The following RGS22 variants were observed in gnomAD, a reference collection of about 807,000 sequenced individuals.
RGS22 encodes regulator of G-protein signaling 22.
Under a neutral mutation model 172.9 loss-of-function variants are expected in RGS22, and 148 were observed. The observed-to-expected ratio is 0.86, with a 90% CI of 0.75 to 0.98. RGS22 has a LOEUF of 0.98. RGS22 is among the 50% of genes least tolerant of loss of function. The probability of loss-of-function intolerance (pLI) is 0.00; values close to 1 mark genes in which losing one functional copy is unlikely to be tolerated. For missense variants in RGS22, 1,347 were observed against 1,440.8 expected (o/e 0.93, Z 1.05); for synonymous variants, 458 against 480.2 (o/e 0.95, Z 0.60).
chr8:100,061,087 T>C (rs540888355), intron 9 of RGS22, among the ~76,000 whole-genome samples: 4 of 152,270 alleles, frequency 2.6e-5, no homozygotes, highest in African/African-American at 7.2e-5. Flanking sequence ...ATTCAATAAA[T>C]GGAGCTAGGA....
intron 9 of RGS22, among the ~76,000 whole-genome samples, chr8:100,053,816 T>C (rs1401313464): frequency 1.3e-5 from 2 of 152,006 alleles, no homozygotes; most frequent in Non-Finnish European, 2.9e-5. Flanking sequence ...TTTGTATTTT[T>C]AGTAGAGACA....
intron 23 of RGS22, among the ~76,000 whole-genome samples, chr8:99,970,693 CCTGAATAGA>C (rs1811244707): frequency 6.6e-6 from 1 of 152,034 alleles, no homozygotes; most frequent in Admixed American, 6.6e-5. Context: ...AAGTCGAATC[CCTGAATAGA>C]CCAATAACAA....
At chr8:99,975,145 C>CA (rs200402080) in intron 23 of RGS22, among the ~76,000 whole-genome samples, 5,562 of 137,556 alleles carry the variant, frequency 0.04, 122 homozygotes, top group African/African-American at 0.046. Flanking sequence ...GACTCCATCT[C>CA]AAAAAAAAAA....
chr8:100,054,018 T>C (rs1821990628), intron 9 of RGS22, among the ~76,000 whole-genome samples: 1 of 152,194 alleles, frequency 6.6e-6, no homozygotes, highest in African/African-American at 2.4e-5. Flanking sequence ...AATTTGAAGG[T>C]AAGAATTAAT....
At chr8:99,981,665 A>G (rs1237654981) in intron 22 of RGS22, among the ~76,000 whole-genome samples, 1 of 151,932 alleles carries the variant, frequency 6.6e-6, no homozygotes, top group Non-Finnish European at 1.5e-5. Flanking sequence ...TCAAATATGA[A>G]TAACGTACAA....
At chr8:100,101,292 T>C (rs1813457572) in intron 2 of RGS22, among the ~76,000 whole-genome samples, 1 of 138,604 alleles carries the variant, frequency 7.2e-6, no homozygotes, top group Non-Finnish European at 1.5e-5. Flanking sequence ...CTAAATTTCT[T>C]TTTTTTTTTT....
intron 21 of RGS22, among the ~76,000 whole-genome samples, chr8:99,987,040 AGT>A (rs1202424879): frequency 6.6e-6 from 1 of 152,156 alleles, no homozygotes; most frequent in Non-Finnish European, 1.5e-5. Flanking sequence ...TAGGACCAGA[AGT>A]GTTTTAGATT....
chr8:100,004,928 A>G (rs1227513210), intron 16 of RGS22, among the ~76,000 whole-genome samples: 1 of 151,922 alleles, frequency 6.6e-6, no homozygotes, highest in Non-Finnish European at 1.5e-5. Flanking sequence ...AGGGGAAAAG[A>G]GTCTTATTCT....
chr8:100,014,466 G>C (rs949395849), intron 14 of RGS22, among the ~76,000 whole-genome samples: 1 of 152,120 alleles, frequency 6.6e-6, no homozygotes, highest in Non-Finnish European at 1.5e-5. Context: ...CAATGACAAT[G>C]AACTCAAAGA....
intron 2 of RGS22, among the ~76,000 whole-genome samples, chr8:100,104,442 A>T (rs1325149585): frequency 6.7e-6 from 1 of 149,260 alleles, no homozygotes; most frequent in Non-Finnish European, 1.5e-5. Context: ...GTGTACCTCT[A>T]CCTTCAGTGG....
At chr8:99,962,264 C>T in intron 27 of RGS22, 130 bp downstream of exon 27, 1 of 625,286 alleles carries the variant, frequency 1.6e-6, no homozygotes, top group African/African-American at 1.9e-5. Context: ...CAAGGCTCTC[C>T]TCCCCATCGA....
chr8:100,082,148 T>C (rs1245897038), intron 3 of RGS22, among the ~76,000 whole-genome samples: 1 of 152,162 alleles, frequency 6.6e-6, no homozygotes, highest in Non-Finnish European at 1.5e-5. Context: ...TTGGCAGAAA[T>C]AACGAAGATG....
At chr8:99,997,817 T>C (rs932589937) in intron 19 of RGS22, among the ~76,000 whole-genome samples, 4 of 152,160 alleles carry the variant, frequency 2.6e-5, no homozygotes, top group Non-Finnish European at 5.9e-5. Context: ...ACAAACCCAC[T>C]TTACAAAATA....
At chr8:100,045,613 AGTT>A (rs1480718682) in intron 11 of RGS22, among the ~76,000 whole-genome samples, 1 of 152,100 alleles carries the variant, frequency 6.6e-6, no homozygotes, top group East Asian at 1.9e-4. Flanking sequence ...AGGAAGTATA[AGTT>A]GTTATAACTC....
At chr8:100,099,931 T>G (rs1479340210) in intron 2 of RGS22, among the ~76,000 whole-genome samples, 1 of 152,216 alleles carries the variant, frequency 6.6e-6, no homozygotes. Context: ...CCCAGTAGGC[T>G]CTCACTGTTC....
intron 2 of RGS22, among the ~76,000 whole-genome samples, chr8:100,095,229 G>C (rs1004816284): frequency 1.3e-5 from 2 of 152,164 alleles, no homozygotes; most frequent in African/African-American, 4.8e-5. Context: ...CGTCACCCAG[G>C]CTGGAGTGCA....
chr8:100,032,121 A>C (rs145079294), intron 14 of RGS22, among the ~76,000 whole-genome samples: 1 of 152,206 alleles, frequency 6.6e-6, no homozygotes, highest in East Asian at 1.9e-4. Flanking sequence ...AATGGGCAAA[A>C]TAACCAGCAA....
chr8:100,043,542 G>A lies in RGS22; in HGVS notation c.1824-1626C>T, dbSNP rs566210639. On this transcript the variant is annotated intron_variant, in intron 11 of 27. Coordinates refer to ENST00000360863, the MANE Select transcript of RGS22 (RefSeq NM_015668.5). ...CTATAATCCCAGCACTTGGGAGGCT[G>A]AGGTAGGTGGATCACGTGAGGTCAG... is the stretch of plus-strand genomic sequence containing the variant. 1.2e-4 allele frequency among the ~76,000 whole-genome samples: 19 copies of A among 152,298 alleles called. No individual in the cohort carries two copies. In the East Asian group the frequency reaches 3.5e-3, roughly 28 times the overall value.
chr8:100,088,238 A>G (rs1201474078), intron 3 of RGS22, among the ~76,000 whole-genome samples: 1 of 152,184 alleles, frequency 6.6e-6, no homozygotes, highest in African/African-American at 2.4e-5. Flanking sequence ...TCAACAGCAC[A>G]TAACTAAGCA....
Sources: gnomAD v4.1 joint callset for allele counts (sites outside exome capture counted in the v4.1 genomes callset) on GRCh38, gnomAD v4.1.1 for gene constraint, MANE v1.5 for transcripts, NCBI Gene and HGNC (gene_info 2026-07-23, HGNC 2026-07-21) for gene names.